Variants in C11orf42 observed in about 807,000 individuals in gnomAD.
C11orf42 encodes the protein uncharacterized protein C11orf42.
Under a neutral mutation model 27.9 loss-of-function variants are expected in C11orf42, and 24 were observed. The ratio of observed to expected loss-of-function variants is 0.86; its 90% CI spans 0.62 to 1.21. The LOEUF (loss-of-function observed/expected upper bound fraction) is 1.21. Among genes scored for constraint, C11orf42 ranks in the 50% most tolerant of loss-of-function variants. The pLI is 0.00. For synonymous variants in C11orf42, 187 were observed against 180.8 expected (o/e 1.03, Z -0.28); for missense variants, 455 against 424.1 (o/e 1.07, Z -0.64).
rs772128990 is a variant in C11orf42, at chr11:6,205,636, C to G, written c.21C>G (p.Asn7Lys). 1 of 1,613,942 alleles carries G rather than the reference C, an allele frequency of 6.2e-7. No homozygotes were observed. Among genetic ancestry groups the G allele is most frequent in the Non-Finnish European group, 8.5e-7 (1 of 1,179,884 alleles). MLVGTP[N>K]LLTLDEADAT... ...CCACCATGTTGGTGGGTACCCCCAACCTGCTGACACTGGATGAAGCTGATG... is the reference window on the plus strand; with the variant it reads ...CCACCATGTTGGTGGGTACCCCCAAGCTGCTGACACTGGATGAAGCTGATG... Residue 7 changes from asparagine (N) to lysine (K), a missense_variant, in exon 1 of 3, where the codon AAC becomes AAG. Transcript: ENST00000316375.
chr11:6,211,128 C>A lies in C11orf42; in HGVS notation c.*86C>A. The A allele has an allele frequency of 6.5e-7, 1 of 1,544,616 alleles. No homozygotes were observed. Among genetic ancestry groups the A allele is most frequent in the South Asian group, 1.2e-5 (1 of 83,476 alleles). ...CTAATAAACATCAGCTGCTGCTCCC[C>A]CAAACCATCCTGGGCCCATGCTGCT... On this transcript the variant is annotated 3_prime_UTR_variant, in exon 3 of 3. Coordinates refer to ENST00000316375, the MANE Select transcript of C11orf42 (RefSeq NM_173525.3).
At chr11:6,207,381 G>T (rs1846990853) in intron 1 of C11orf42, among the ~76,000 whole-genome samples, 2 of 152,020 alleles carry the variant, frequency 1.3e-5, no homozygotes, top group African/African-American at 4.8e-5. Flanking sequence ...GCAGAAACTT[G>T]GATAATAAGC....
chr11:6,210,673 A>C lies in C11orf42; in HGVS notation c.871+25A>C. 6.2e-7 allele frequency: 1 copy of C among 1,605,972 alleles called. No individual in the cohort carries two copies. Among genetic ancestry groups the C allele is most frequent in the East Asian group, 2.2e-5 (1 of 44,818 alleles). ...GGTACTACTAGGGGAAATGATGATGAGATGGATGGGAGGGACAAAGTGAAG... is the reference window on the plus strand; with the variant it reads ...GGTACTACTAGGGGAAATGATGATGCGATGGATGGGAGGGACAAAGTGAAG... On this transcript the variant is annotated intron_variant, in intron 2 of 2. Coordinates refer to ENST00000316375, the MANE Select transcript of C11orf42 (RefSeq NM_173525.3). This position sits in a 1 kb window ranked among gnomAD's most constrained non-coding sequence, Gnocchi z 4.0.
Position 6,210,333 on chromosome 11 carries a change from C to A in C11orf42, c.556C>A (p.Arg186=). 1 of 1,614,174 alleles carries A rather than the reference C, an allele frequency of 6.2e-7. No homozygotes were observed. Among genetic ancestry groups the A allele is most frequent in the Non-Finnish European group, 8.5e-7 (1 of 1,180,014 alleles). Residue 186 remains arginine, a synonymous_variant, in exon 2 of 3, where the codon CGG becomes AGG. Transcript: ENST00000316375. The surrounding 1 kb of genome is among the most constrained non-coding windows in gnomAD (Gnocchi z 4.0). ...TACAGCCCGTGAGCCCCAGCTCCTC[C>A]GGCTACTTCGGTCATTACCTGTTGC... ...TSTAREPQLL[R]LLRSLPVAFS... is the part of the protein sequence containing the mutation.
rs776426057 is a variant in C11orf42, at chr11:6,210,313, C to T, written c.536C>T (p.Ala179Val). 3.1e-6 allele frequency: 5 copies of T among 1,614,216 alleles called. No individual in the cohort carries two copies. Among genetic ancestry groups the T allele is most frequent in the South Asian group, 2.2e-5 (2 of 91,090 alleles). ...SWLQLGLTST[A>V]REPQLLRLLR... ...CTGCAGCTGGGGCTGACGTCTACAG[C>T]CCGTGAGCCCCAGCTCCTCCGGCTA... The change falls in exon 2 of 3, where the codon GCC becomes GTC. Residue 179 changes from alanine (A) to valine (V), a missense_variant. By Grantham distance (64) the Ala-to-Val change is moderately conservative. Transcript: ENST00000316375. This position sits in a 1 kb window ranked among gnomAD's most constrained non-coding sequence, Gnocchi z 4.0.
chr11:6,211,066 G>A lies in C11orf42; in HGVS notation c.*24G>A, dbSNP rs1300462947. The A allele has an allele frequency of 2.5e-6, 4 of 1,607,864 alleles. No homozygotes were observed. Among genetic ancestry groups the A allele is most frequent in the East Asian group, 4.5e-5 (2 of 44,728 alleles). On this transcript the variant is annotated 3_prime_UTR_variant, in exon 3 of 3. Transcript: ENST00000316375. ...GAAGCTGAAGCAAAAGATTCCGGGG[G>A]CAAAGCCCCCAAGATCTGGCATAGG... is the stretch of plus-strand genomic sequence containing the variant.
In C11orf42 at chr11:6,209,750, A is replaced by C; in HGVS notation, c.73-100A>C. 15 of 1,182,990 alleles carry C rather than the reference A, an allele frequency of 1.3e-5. No individual in the cohort carries two copies. In the South Asian group the frequency reaches 2.1e-4, roughly 17 times the overall value. 73.3% of individuals were successfully genotyped at this position (1,182,990 alleles called of 1,614,324 possible). A position where few individuals can be genotyped will look rare whatever the true frequency, so the allele number is the denominator to read the frequency against. ...CAGAAAGCATAAATCTGAACACATT[A>C]TAGAGATGTAACTGAACGTGAACCT... is the stretch of plus-strand genomic sequence containing the variant. On this transcript the variant is annotated intron_variant, in intron 1 of 2. Transcript: ENST00000316375.
intron 1 of C11orf42, among the ~76,000 whole-genome samples, chr11:6,208,309 C>A (rs992642947): frequency 6.6e-6 from 1 of 152,174 alleles, no homozygotes; most frequent in Non-Finnish European, 1.5e-5. Flanking sequence ...CTACCCCTTG[C>A]AGCTAGGGTA....
chr11:6,208,181 G>GAAAC (rs200016275), intron 1 of C11orf42, among the ~76,000 whole-genome samples: 9,677 of 151,592 alleles, frequency 0.064, 344 homozygotes, highest in Middle Eastern at 0.078. Context: ...AGGCCATGAT[G>GAAAC]AAACAAACAA....
rs1314135807 is a variant in C11orf42 at position 6,211,077 on chromosome 11, A to T, written c.*35A>T. 1 of 1,607,044 alleles carries T rather than the reference A, an allele frequency of 6.2e-7. No individual in the cohort carries two copies. The highest frequency in any genetic ancestry group is 8.5e-7 in the Non-Finnish European group (1 of 1,178,000). On this transcript the variant is annotated 3_prime_UTR_variant, in exon 3 of 3. Coordinates refer to ENST00000316375, the MANE Select transcript of C11orf42 (RefSeq NM_173525.3). ...AAAAGATTCCGGGGGCAAAGCCCCC[A>T]AGATCTGGCATAGGGGTACTGGTCT...
chr11:6,209,534 C>T (rs1296412903), intron 1 of C11orf42, among the ~76,000 whole-genome samples: 1 of 152,208 alleles, frequency 6.6e-6, no homozygotes, highest in Non-Finnish European at 1.5e-5. Context: ...TGTTCAATCA[C>T]TTCCTGTCTC....
intron 1 of C11orf42, among the ~76,000 whole-genome samples, chr11:6,206,079 C>T (rs1486722615): frequency 6.6e-6 from 1 of 152,012 alleles, no homozygotes; most frequent in East Asian, 1.9e-4. Context: ...AATTAATGAG[C>T]ATGGGAGGGT....
At chr11:6,206,960 C>A (rs998677091) in intron 1 of C11orf42, among the ~76,000 whole-genome samples, 1 of 152,176 alleles carries the variant, frequency 6.6e-6, no homozygotes, top group African/African-American at 2.4e-5. Context: ...TCCAAAACCA[C>A]GGACAGTTTA....
At chr11:6,207,550 C>T (rs1204537880) in intron 1 of C11orf42, among the ~76,000 whole-genome samples, 2 of 152,214 alleles carry the variant, frequency 1.3e-5, no homozygotes, top group Non-Finnish European at 2.9e-5. Context: ...TGGGGCAAAG[C>T]ATTGCATCCA....
intron 1 of C11orf42, among the ~76,000 whole-genome samples, chr11:6,207,413 A>G (rs1209051786): frequency 6.6e-6 from 1 of 151,934 alleles, no homozygotes; most frequent in Non-Finnish European, 1.5e-5. Flanking sequence ...TAAATGTCAC[A>G]CTCCTATCAG....
Position 6,209,998 on chromosome 11 carries a change from T to C in C11orf42, c.221T>C (p.Leu74Pro), listed in dbSNP as rs1351603195. The change falls in exon 2 of 3, where the codon CTG (leucine) becomes CCG (proline). Residue 74 changes from leucine (L) to proline (P), a missense_variant. By Grantham distance (98) the Leu-to-Pro change is moderately conservative. Transcript: ENST00000316375. Reference protein sequence around the residue: ...ALPGRQGRRALKPVGPLPSLL... With the variant: ...ALPGRQGRRAPKPVGPLPSLL... ...CCAGGTCGGCAGGGCCGGAGGGCAC[T>C]GAAACCAGTGGGGCCACTACCAAGC... is the stretch of plus-strand genomic sequence containing the variant. 1.2e-6 allele frequency: 2 copies of C among 1,613,932 alleles called. No individual in the cohort carries two copies. The highest frequency in any genetic ancestry group is 1.7e-6 in the Non-Finnish European group (2 of 1,179,922).
At chr11:6,206,555 TAAAA>T (rs35028317) in intron 1 of C11orf42, among the ~76,000 whole-genome samples, 1 of 148,332 alleles carries the variant, frequency 6.7e-6, no homozygotes, top group Non-Finnish European at 1.5e-5. Flanking sequence ...CTACCAGGCT[TAAAA>T]AAAAAAAAAA....
At position 6,205,568 on chromosome 11, in the gene C11orf42, G is replaced by A. The variant is rs775695892; in HGVS notation, c.-48G>A. Reference sequence around the variant, plus strand: ...GGTCTCACCTCCCTGGGCTGCCTGGGGTTCCTGCAGCAGCCACTGCCCTGC... The same window carrying A: ...GGTCTCACCTCCCTGGGCTGCCTGGAGTTCCTGCAGCAGCCACTGCCCTGC... On this transcript the variant is annotated 5_prime_UTR_variant, in exon 1 of 3. Coordinates refer to ENST00000316375, the MANE Select transcript of C11orf42 (RefSeq NM_173525.3). 1 of 1,498,086 alleles carries A rather than the reference G, an allele frequency of 6.7e-7. No individual in the cohort carries two copies. Among genetic ancestry groups the A allele is most frequent in the Non-Finnish European group, 9.3e-7 (1 of 1,079,650 alleles). 92.8% of individuals were successfully genotyped at this position (1,498,086 alleles called of 1,614,324 possible). A position where few individuals can be genotyped will look rare whatever the true frequency, so the allele number is the denominator to read the frequency against.
In C11orf42 at chr11:6,210,908, G is replaced by C. The variant is rs1847054285; in HGVS notation, c.872-4G>C. On this transcript the variant is annotated splice_polypyrimidine_tract_variant and splice_region_variant and intron_variant, in intron 2 of 2. Coordinates refer to ENST00000316375, the MANE Select transcript of C11orf42 (RefSeq NM_173525.3). This position sits in a 1 kb window ranked among gnomAD's most constrained non-coding sequence, Gnocchi z 4.0. Reference sequence around the variant, plus strand: ...CAAGCTGTGACTATCCCCAACCCTGGCAGAGAACTGGCTCTTCAGCCCCCG... The same window carrying C: ...CAAGCTGTGACTATCCCCAACCCTGCCAGAGAACTGGCTCTTCAGCCCCCG... The C allele has an allele frequency of 4.4e-6, 7 of 1,602,156 alleles. No individual in the cohort carries two copies. The highest frequency in any genetic ancestry group is 6.0e-6 in the Non-Finnish European group (7 of 1,175,346).
Sources: allele counts gnomAD v4.1 joint callset (sites outside exome capture counted in the v4.1 genomes callset), GRCh38; gene constraint gnomAD v4.1.1; non-coding constraint Gnocchi (gnomAD v3.1); transcripts MANE v1.5; gene names NCBI Gene and HGNC (gene_info 2026-07-23, HGNC 2026-07-21).